Variants in GTF3C1 observed in about 807,000 individuals in gnomAD.
GTF3C1 encodes general transcription factor IIIC subunit 1.
Under a neutral mutation model 226.7 loss-of-function variants are expected in GTF3C1, and 57 were observed. The ratio of observed to expected loss-of-function variants is 0.25; its 90% CI spans 0.20 to 0.31. The LOEUF is 0.31. Ranked by LOEUF, GTF3C1 falls within the 10% of genes least tolerant of loss-of-function variation. The pLI is 1.00. For synonymous variants in GTF3C1, 1,090 were observed against 1,084.8 expected (o/e 1.00, Z -0.09); for missense variants, 2,217 against 2,776.1 (o/e 0.80, Z 4.53).
chr16:27,537,715 C>T (rs2089021902), intron 4 of GTF3C1, 69 bp downstream of exon 4: 1 of 1,165,946 alleles, frequency 8.6e-7, no homozygotes, highest in Non-Finnish European at 1.2e-6. Flanking sequence ...GCTGCCCCTA[C>T]AATTTTTAAA....
At chr16:27,517,016 G>C (rs1339416394) in intron 6 of GTF3C1, among the ~76,000 whole-genome samples, 1 of 152,220 alleles carries the variant, frequency 6.6e-6, no homozygotes, top group Non-Finnish European at 1.5e-5. Flanking sequence ...CTGCCACAGA[G>C]CTGGCTGTGA....
chr16:27,540,077 G>C (rs2089059759), intron 2 of GTF3C1, among the ~76,000 whole-genome samples: 1 of 152,112 alleles, frequency 6.6e-6, no homozygotes, highest in South Asian at 2.1e-4. Context: ...ACGAGGTCCT[G>C]CTGCAGCCAC....
At chr16:27,502,241 G>A (rs892665072) in intron 11 of GTF3C1, among the ~76,000 whole-genome samples, 6 of 152,160 alleles carry the variant, frequency 3.9e-5, no homozygotes, top group Admixed American at 1.3e-4. Flanking sequence ...CGTTAGACAC[G>A]GAGTATGAGG....
chr16:27,494,227 C>T (rs767136668), intron 16 of GTF3C1, among the ~76,000 whole-genome samples: 5 of 151,914 alleles, frequency 3.3e-5, no homozygotes, highest in Admixed American at 2.0e-4. Context: ...TGGCAAAACC[C>T]CGTCTCTATT....
At chr16:27,542,888 A>T (rs531512857) in intron 2 of GTF3C1, among the ~76,000 whole-genome samples, 4 of 152,366 alleles carry the variant, frequency 2.6e-5, no homozygotes, top group East Asian at 3.9e-4. Flanking sequence ...TGTGAACTAA[A>T]TAAGCCTCTT....
intron 11 of GTF3C1, among the ~76,000 whole-genome samples, chr16:27,501,829 G>C (rs148487320): frequency 1.2e-3 from 182 of 152,312 alleles, no homozygotes; most frequent in African/African-American, 4.3e-3. Context: ...GCCAGTGGGC[G>C]TGGTGGCTCA....
At chr16:27,465,599 A>ACCCC (rs2141342275) in intron 32 of GTF3C1, 59 bp from the exon 33 acceptor site, 2 of 1,354,500 alleles carry the variant, frequency 1.5e-6, no homozygotes, top group East Asian at 4.9e-5. Flanking sequence ...TCCCCTGACC[A>ACCCC]ATGCACAGGC....
rs761189525 is a variant in GTF3C1, at chr16:27,489,086, C to T, written c.3386G>A (p.Arg1129His). The T allele has an allele frequency of 9.3e-6, 15 of 1,613,874 alleles. No homozygotes were observed. The highest frequency in any genetic ancestry group is 2.7e-5 in the African/African-American group (2 of 74,914). ...LDSSFYGHLK[R>H]NWIWTSYIIN... Reference sequence around the variant, plus strand: ...GATGTAGCTGGTCCAGATCCAGTTGCGCTTGAGGTGTCCGTAGAAGCTGGA... The same window carrying T: ...GATGTAGCTGGTCCAGATCCAGTTGTGCTTGAGGTGTCCGTAGAAGCTGGA... The change falls in exon 21 of 37, where the codon CGC becomes CAC. Residue 1129 changes from arginine to histidine, a missense_variant. Arg to His is a conservative substitution (Grantham distance 29, BLOSUM62 0). This residue lies in a region of GTF3C1 where 546 missense variants were observed against 663.0 expected (regional missense o/e 0.82). Coordinates refer to ENST00000356183, the MANE Select transcript of GTF3C1 (RefSeq NM_001520.4).
chr16:27,470,598 G>A lies in GTF3C1; in HGVS notation c.4527-203C>T. On this transcript the variant is annotated intron_variant, in intron 30 of 36. Coordinates refer to ENST00000356183, the MANE Select transcript of GTF3C1 (RefSeq NM_001520.4). This position sits in a 1 kb window ranked among gnomAD's most constrained non-coding sequence, Gnocchi z 4.9. ...TTGTGTCTCTCTTCCCCGCTTGCCT[G>A]AGTACCTTCCGGGCAGAGTCCTGTC... 1.7e-6 allele frequency: 1 copy of A among 576,584 alleles called. No individual in the cohort carries two copies. Among genetic ancestry groups the A allele is most frequent in the Non-Finnish European group, 3.1e-6 (1 of 323,548 alleles). The allele number at this position is 576,584 out of a possible 1,614,324, so 35.7% of individuals were successfully genotyped here. A position where few individuals can be genotyped will look rare whatever the true frequency, so the allele number is the denominator to read the frequency against.
chr16:27,544,867 C>T (rs1488358312), intron 2 of GTF3C1, among the ~76,000 whole-genome samples: 5 of 152,140 alleles, frequency 3.3e-5, no homozygotes, highest in South Asian at 4.1e-4. Flanking sequence ...CAAGAACTGG[C>T]GTAGTGCAGG....
In GTF3C1 at chr16:27,489,561, C is replaced by A. The variant is rs770103903; in HGVS notation, c.3293+41G>T. The A allele has an allele frequency of 3.3e-6, 5 of 1,524,798 alleles. No homozygotes were observed. The South Asian group carries it at 3.5e-5, about 11-fold the overall frequency. The allele number at this position is 1,524,798 out of a possible 1,614,324, so 94.5% of individuals were successfully genotyped here. A position where few individuals can be genotyped will look rare whatever the true frequency, so the allele number is the denominator to read the frequency against. On this transcript the variant is annotated intron_variant, in intron 20 of 36. Coordinates refer to ENST00000356183, the MANE Select transcript of GTF3C1 (RefSeq NM_001520.4). The stretch of plus-strand genomic sequence containing the variant: ...CAGGCATCTGAAATGAGCACCACCG[C>A]AGCCCAGTCCTGGCCGGCCGCGCTT...
At chr16:27,499,424 CG>C (rs1015356508) in intron 12 of GTF3C1, among the ~76,000 whole-genome samples, 67 of 152,134 alleles carry the variant, frequency 4.4e-4, no homozygotes, top group African/African-American at 1.6e-3. Context: ...CAGGTGAGGA[CG>C]GCCAGGCCCC....
At chr16:27,514,256 C>T (rs1243633203) in intron 6 of GTF3C1, among the ~76,000 whole-genome samples, 3 of 152,214 alleles carry the variant, frequency 2.0e-5, no homozygotes, top group African/African-American at 4.8e-5. Flanking sequence ...GGCTCCCCGC[C>T]GGGGCTCCTG....
rs775049325 is a variant in GTF3C1, at chr16:27,462,446, C to T, written c.5965G>A (p.Val1989Ile). The T allele has an allele frequency of 1.2e-6, 2 of 1,613,716 alleles. No homozygotes were observed. The highest frequency in any genetic ancestry group is 1.7e-6 in the Non-Finnish European group (2 of 1,179,824). Reference protein sequence around the residue: ...SVCFIGRPWRVVDGHLNLPVC... With the variant: ...SVCFIGRPWRIVDGHLNLPVC... Reference sequence around the variant, plus strand: ...GGAAGGTTCAGGTGGCCATCCACGACACGCCACGGCCGGCCGATGAAGCAG... The same window carrying T: ...GGAAGGTTCAGGTGGCCATCCACGATACGCCACGGCCGGCCGATGAAGCAG... The change falls in exon 36 of 37, where the codon GTC becomes ATC. Residue 1989 changes from valine to isoleucine, a missense_variant. By Grantham distance (29) the Val-to-Ile change is conservative. Around this residue, in one of 12 missense-constraint regions of GTF3C1, gnomAD observed 153 missense variants for 199.8 expected, o/e 0.77. Coordinates refer to ENST00000356183, the MANE Select transcript of GTF3C1 (RefSeq NM_001520.4). This position sits in a 1 kb window ranked among gnomAD's most constrained non-coding sequence, Gnocchi z 4.5.
At chr16:27,504,376 C>T (rs558796197) in intron 10 of GTF3C1, among the ~76,000 whole-genome samples, 26 of 152,318 alleles carry the variant, frequency 1.7e-4, no homozygotes, top group African/African-American at 5.5e-4. Context: ...GGCCCGGCCT[C>T]TCTGGTTAGA....
intron 19 of GTF3C1, among the ~76,000 whole-genome samples, chr16:27,491,180 G>A (rs1251383874): frequency 1.3e-5 from 2 of 152,186 alleles, no homozygotes; most frequent in African/African-American, 4.8e-5. Flanking sequence ...ATTCTGCCAA[G>A]CAAAATGTGT....
chr16:27,537,059 G>A (rs2089011344), intron 4 of GTF3C1, among the ~76,000 whole-genome samples: 1 of 152,202 alleles, frequency 6.6e-6, no homozygotes, highest in Non-Finnish European at 1.5e-5. Context: ...ACAATATCCT[G>A]CTAAAATAGC....
rs2088174244 is a variant in GTF3C1, at chr16:27,488,296, C to A, written c.3631G>T (p.Gly1211Cys). 6.8e-6 allele frequency: 11 copies of A among 1,614,230 alleles called. No individual in the cohort carries two copies. The East Asian group carries it at 2.5e-4, about 36-fold the overall frequency. Reference protein sequence around the residue: ...PSLDRNRRVRGGKSQKRKRLK... With the variant: ...PSLDRNRRVRCGKSQKRKRLK... Reference sequence around the variant, plus strand: ...CGCTTCCGCTTCTGGCTTTTCCCACCCCTCACTCTCCGGTTTCGGTCCAGC... The same window carrying A: ...CGCTTCCGCTTCTGGCTTTTCCCACACCTCACTCTCCGGTTTCGGTCCAGC... The change falls in exon 23 of 37, where the codon GGT becomes TGT. Residue 1211 changes from glycine (G) to cysteine (C), a missense_variant. Physicochemically the swap from Gly to Cys is radical, Grantham distance 159 (BLOSUM62 -3). Around this residue, in one of 12 missense-constraint regions of GTF3C1, gnomAD observed 546 missense variants for 663.0 expected, o/e 0.82. Coordinates refer to ENST00000356183, the MANE Select transcript of GTF3C1 (RefSeq NM_001520.4).
chr16:27,496,194 G>A (rs748046512), intron 14 of GTF3C1, among the ~76,000 whole-genome samples: 3 of 152,122 alleles, frequency 2.0e-5, no homozygotes, highest in African/African-American at 4.8e-5. Flanking sequence ...GAAGCTTCCT[G>A]AGGCCTCAGT....
Sources: allele counts gnomAD v4.1 joint callset (sites outside exome capture counted in the v4.1 genomes callset), GRCh38; gene constraint gnomAD v4.1.1; regional missense constraint gnomAD v4.1.1; non-coding constraint Gnocchi (gnomAD v3.1); transcripts MANE v1.5; gene names NCBI Gene and HGNC (gene_info 2026-07-23, HGNC 2026-07-21).